The following ADAMTSL1 variants were observed in gnomAD, a reference collection of about 807,000 sequenced individuals.
ADAMTSL1 encodes the protein ADAMTS like 1.
ADAMTSL1 carries 126 observed loss-of-function variants against 201.8 expected under a neutral mutation model. The ratio of observed to expected loss-of-function variants is 0.62; its 90% CI spans 0.54 to 0.72. The LOEUF is 0.72. Among genes scored for constraint, ADAMTSL1 ranks in the 30% least tolerant of loss-of-function variants. The pLI, the probability that ADAMTSL1 is intolerant of heterozygous loss-of-function variation, is 0.00. For synonymous variants in ADAMTSL1, 1,121 were observed against 903.4 expected (o/e 1.24, Z -4.32); for missense variants, 2,679 against 2,277.8 (o/e 1.18, Z -3.59).
intron 16 of ADAMTSL1, among the ~76,000 whole-genome samples, chr9:18,758,115 T>C (rs1819876903): frequency 6.6e-6 from 1 of 152,212 alleles, no homozygotes; most frequent in Non-Finnish European, 1.5e-5. Context: ...ACTTGGCCTC[T>C]CTTGAGCCTC....
chr9:18,141,048 G>A (rs888781836), intron 1 of ADAMTSL1, among the ~76,000 whole-genome samples: 1 of 152,168 alleles, frequency 6.6e-6, no homozygotes, highest in Non-Finnish European at 1.5e-5. Context: ...CAACACCCTG[G>A]AATCAGAATG....
intron 19 of ADAMTSL1, among the ~76,000 whole-genome samples, chr9:18,785,026 T>TG (rs1424964378): frequency 6.6e-6 from 1 of 152,108 alleles, no homozygotes; most frequent in African/African-American, 2.4e-5. Flanking sequence ...TAGCTGGGCA[T>TG]GGTGGTGCAT....
chr9:18,700,187 C>T (rs781022968), intron 13 of ADAMTSL1, among the ~76,000 whole-genome samples: 10 of 151,980 alleles, frequency 6.6e-5, no homozygotes, highest in African/African-American at 9.7e-5. Context: ...TTTAAGAATG[C>T]CTTAATATTA....
intron 14 of ADAMTSL1, among the ~76,000 whole-genome samples, chr9:18,720,788 A>T (rs555336520): frequency 6.4e-4 from 98 of 152,286 alleles, no homozygotes; most frequent in South Asian, 2.5e-3. Flanking sequence ...AAAAAATTTT[A>T]AAATAAAATA....
intron 2 of ADAMTSL1, among the ~76,000 whole-genome samples, chr9:18,223,103 C>G (rs1414608526): frequency 6.6e-6 from 1 of 152,016 alleles, no homozygotes; most frequent in Non-Finnish European, 1.5e-5. Flanking sequence ...GTGTATTCAT[C>G]AATTTCCAGC....
intron 2 of ADAMTSL1, among the ~76,000 whole-genome samples, chr9:18,434,502 G>T (rs1461684885): frequency 6.6e-6 from 1 of 152,102 alleles, no homozygotes; most frequent in Non-Finnish European, 1.5e-5. Context: ...AGGCAGGTGG[G>T]ACACATGAGA....
At chr9:18,904,396 G>C (rs1160506590) in intron 26 of ADAMTSL1, among the ~76,000 whole-genome samples, 1 of 152,034 alleles carries the variant, frequency 6.6e-6, no homozygotes, top group Non-Finnish European at 1.5e-5. Flanking sequence ...TTGTACCTGA[G>C]AGGCAGAGGT....
chr9:17,925,693 T>G (rs1257458792), intron 1 of ADAMTSL1, among the ~76,000 whole-genome samples: 1 of 115,304 alleles, frequency 8.7e-6, no homozygotes, highest in African/African-American at 3.5e-5. Context: ...TATCACACTC[T>G]GGGGACTGTG....
chr9:18,108,179 A>C lies in ADAMTSL1; in HGVS notation c.88-55683A>C, dbSNP rs143912168. Among the ~76,000 whole-genome samples the C allele has an allele frequency of 3.6e-3, 544 of 151,312 alleles. 1 individual carries two copies. The highest frequency in any genetic ancestry group is 6.5e-3 in the Admixed American group (98 of 15,140). On this transcript the variant is annotated intron_variant, in intron 1 of 29. Coordinates refer to the ADAMTSL1 transcript ENST00000680146. ...GCAAAAAGTATTCACGTTAACTCTTAAAAGCAAGAGTGTGGAATTTTTTTT... is the reference window on the plus strand; with the variant it reads ...GCAAAAAGTATTCACGTTAACTCTTCAAAGCAAGAGTGTGGAATTTTTTTT...
chr9:18,618,561 C>T (rs1825841470), intron 4 of ADAMTSL1, among the ~76,000 whole-genome samples: 1 of 145,988 alleles, frequency 6.8e-6, no homozygotes, highest in Non-Finnish European at 1.5e-5. Flanking sequence ...GGCTTAGACA[C>T]ATAAAAGATT....
chr9:18,370,447 C>T (rs370599653), intron 2 of ADAMTSL1, among the ~76,000 whole-genome samples: 16 of 152,112 alleles, frequency 1.1e-4, no homozygotes, highest in Non-Finnish European at 2.2e-4. Context: ...ATGTACCCCC[C>T]CCGAATCCAT....
At chr9:18,588,483 T>C (rs1823665542) in intron 4 of ADAMTSL1, among the ~76,000 whole-genome samples, 1 of 152,176 alleles carries the variant, frequency 6.6e-6, no homozygotes, top group South Asian at 2.1e-4. Context: ...GTGTCTGTTT[T>C]TGCTTTTGTT....
At chr9:18,815,974 T>C (rs1823825016) in intron 20 of ADAMTSL1, among the ~76,000 whole-genome samples, 4 of 152,210 alleles carry the variant, frequency 2.6e-5, no homozygotes, top group Admixed American at 6.5e-5. Flanking sequence ...TATCCAACAC[T>C]TCTTATATTT....
At chr9:18,083,892 C>T (rs1265659548) in intron 1 of ADAMTSL1, among the ~76,000 whole-genome samples, 1 of 152,132 alleles carries the variant, frequency 6.6e-6, no homozygotes, top group Non-Finnish European at 1.5e-5. Context: ...TTCTTTGCCC[C>T]AGTTCTTGTT....
intron 23 of ADAMTSL1, among the ~76,000 whole-genome samples, chr9:18,849,264 C>A (rs1338254633): frequency 1.3e-5 from 2 of 152,164 alleles, no homozygotes; most frequent in Non-Finnish European, 2.9e-5. Flanking sequence ...CATTTCTATT[C>A]TAATTGTAGC....
At chr9:17,957,495 A>G (rs1219418108) in intron 1 of ADAMTSL1, among the ~76,000 whole-genome samples, 1 of 152,046 alleles carries the variant, frequency 6.6e-6, no homozygotes, top group African/African-American at 2.4e-5. Context: ...CATGATCTCT[A>G]CTGCTTCAGC....
At chr9:18,029,026 G>C (rs1346872774) in intron 1 of ADAMTSL1, among the ~76,000 whole-genome samples, 1 of 152,094 alleles carries the variant, frequency 6.6e-6, no homozygotes, top group East Asian at 1.9e-4. Flanking sequence ...TGAAGCAATT[G>C]TGAATGGGAG....
intron 19 of ADAMTSL1, among the ~76,000 whole-genome samples, chr9:18,788,144 T>C (rs952714679): frequency 1.3e-5 from 2 of 152,204 alleles, no homozygotes; most frequent in African/African-American, 4.8e-5. Context: ...CAAATGGTGA[T>C]ATGAAACTCT....
chr9:18,102,879 T>C (rs547208495), intron 1 of ADAMTSL1, among the ~76,000 whole-genome samples: 2 of 152,176 alleles, frequency 1.3e-5, no homozygotes, highest in Non-Finnish European at 2.9e-5. Flanking sequence ...AGCTAGAAGA[T>C]GATTCTGTGT....
Sources: allele counts gnomAD v4.1 joint callset (sites outside exome capture counted in the v4.1 genomes callset), GRCh38; gene constraint gnomAD v4.1.1; transcripts MANE v1.5; gene names NCBI Gene and HGNC (gene_info 2026-07-23, HGNC 2026-07-21).